CDK14: variants seen among roughly 807,000 people sequenced by gnomAD.
The protein encoded by CDK14 is cyclin dependent kinase 14.
In CDK14, 34 loss-of-function variants were observed where a neutral mutation model predicts 60.7. The ratio of observed to expected loss-of-function variants is 0.56; its 90% CI spans 0.43 to 0.75. CDK14 has a LOEUF of 0.75. CDK14 is among the 30% of genes least tolerant of loss of function. The pLI is 0.00. For missense variants in CDK14, 482 were observed against 564.1 expected, an observed-to-expected ratio of 0.85 and a Z score of 1.47; for synonymous variants, 197 against 203.7, an observed-to-expected ratio of 0.97 and a Z score of 0.28.
chr7:91,015,192 T>C (rs1245894551), intron 10 of CDK14, among the ~76,000 whole-genome samples: 1 of 152,212 alleles, frequency 6.6e-6, no homozygotes, highest in Non-Finnish European at 1.5e-5. Flanking sequence ...ATTGTTCCTC[T>C]TTAACAAATC....
intron 4 of CDK14, among the ~76,000 whole-genome samples, chr7:90,789,687 A>G (rs1018362915): frequency 2.6e-5 from 4 of 152,138 alleles, no homozygotes; most frequent in African/African-American, 9.7e-5. Context: ...CAGACTTGGT[A>G]TCAAAGGGGA....
At chr7:90,913,315 G>C (rs1160063129) in intron 7 of CDK14, among the ~76,000 whole-genome samples, 1 of 152,176 alleles carries the variant, frequency 6.6e-6, no homozygotes, top group East Asian at 1.9e-4. Context: ...TGCTTCCTTA[G>C]AGCCTTCCCA....
intron 2 of CDK14, among the ~76,000 whole-genome samples, chr7:90,696,724 G>A (rs1299423431): frequency 6.6e-6 from 1 of 152,186 alleles, no homozygotes; most frequent in African/African-American, 2.4e-5. Context: ...TTAAGGAAGA[G>A]GTTAGGATAG....
chr7:90,939,918 C>G (rs1490801188), intron 8 of CDK14, among the ~76,000 whole-genome samples: 1 of 152,108 alleles, frequency 6.6e-6, no homozygotes, highest in Non-Finnish European at 1.5e-5. Context: ...TCCTGCCAGC[C>G]ACCAGTTTTC....
intron 8 of CDK14, among the ~76,000 whole-genome samples, chr7:90,935,769 C>T (rs1352602924): frequency 1.3e-5 from 2 of 152,140 alleles, no homozygotes; most frequent in Non-Finnish European, 2.9e-5. Context: ...AGAACATAGG[C>T]TGGCCGTGGT....
At chr7:90,715,998 G>A (rs576389274) in intron 2 of CDK14, among the ~76,000 whole-genome samples, 32 of 151,998 alleles carry the variant, frequency 2.1e-4, no homozygotes, top group African/African-American at 6.0e-4. Context: ...CCATTTGGTC[G>A]TATGATATGA....
chr7:91,098,802 G>A (rs1799081303), intron 12 of CDK14, among the ~76,000 whole-genome samples: 1 of 152,112 alleles, frequency 6.6e-6, no homozygotes, highest in African/African-American at 2.4e-5. Flanking sequence ...GTGACAGCAA[G>A]GCATTCTTCC....
chr7:90,596,758 C>T, intron 1 of CDK14, 40 bp downstream of exon 1: 2 of 1,529,362 alleles, frequency 1.3e-6, no homozygotes, highest in South Asian at 1.1e-5. Context: ...AGCGCCCGCT[C>T]CCCTCGGCCT....
intron 14 of CDK14, among the ~76,000 whole-genome samples, chr7:91,156,873 T>G (rs886782518): frequency 6.6e-6 from 1 of 152,178 alleles, no homozygotes; most frequent in African/African-American, 2.4e-5. Flanking sequence ...CAAATAGCAC[T>G]TAAGGAAATG....
At chr7:91,075,208 A>G (rs184605294) in intron 11 of CDK14, among the ~76,000 whole-genome samples, 6 of 152,378 alleles carry the variant, frequency 3.9e-5, no homozygotes, top group East Asian at 1.9e-4. Flanking sequence ...CTTCAGGCCA[A>G]TATCCTTGAT....
intron 2 of CDK14, among the ~76,000 whole-genome samples, chr7:90,715,492 G>T (rs145877197): frequency 2.6e-5 from 4 of 151,916 alleles, no homozygotes; most frequent in Non-Finnish European, 5.9e-5. Context: ...AGTCCCCTTC[G>T]CCAGCTTAGT....
intron 6 of CDK14, among the ~76,000 whole-genome samples, chr7:90,898,689 A>G (rs973221426): frequency 6.6e-6 from 1 of 152,100 alleles, no homozygotes; most frequent in Non-Finnish European, 1.5e-5. Flanking sequence ...ACAGCATGAG[A>G]TGTTGAATAT....
chr7:91,171,896 C>T (rs1392457751), intron 14 of CDK14, among the ~76,000 whole-genome samples: 1 of 152,188 alleles, frequency 6.6e-6, no homozygotes, highest in African/African-American at 2.4e-5. Context: ...ATCCACCCAC[C>T]TCGACCTCTC....
At chr7:90,746,550 GAT>G (rs1487559640) in intron 3 of CDK14, among the ~76,000 whole-genome samples, 1 of 152,020 alleles carries the variant, frequency 6.6e-6, no homozygotes, top group Non-Finnish European at 1.5e-5. Flanking sequence ...TCTTTAATAA[GAT>G]ATTTTTCATT....
At chr7:90,663,213 ACACTT>A (rs909181243) in intron 2 of CDK14, among the ~76,000 whole-genome samples, 7 of 152,114 alleles carry the variant, frequency 4.6e-5, no homozygotes, top group East Asian at 3.9e-4. Flanking sequence ...ATAAAAAATT[ACACTT>A]CACTTCATGT....
At chr7:90,998,843 C>G (rs1047477519) in intron 10 of CDK14, among the ~76,000 whole-genome samples, 2 of 152,050 alleles carry the variant, frequency 1.3e-5, no homozygotes, top group African/African-American at 4.8e-5. Flanking sequence ...GAGCGGAGAT[C>G]GCGCCACTGC....
chr7:90,799,989 T>C (rs1390665488), intron 5 of CDK14, among the ~76,000 whole-genome samples: 3 of 152,036 alleles, frequency 2.0e-5, no homozygotes, highest in African/African-American at 7.2e-5. Flanking sequence ...AAGGAACAAA[T>C]AGATTCAACA....
At chr7:91,134,886 T>A (rs200507469) in intron 14 of CDK14, among the ~76,000 whole-genome samples, 17 of 151,010 alleles carry the variant, frequency 1.1e-4, no homozygotes, top group South Asian at 2.1e-4. Flanking sequence ...CAAAAAAAAA[T>A]AATAATAATT....
chr7:90,798,723 A>G (rs1788528679), intron 5 of CDK14, among the ~76,000 whole-genome samples: 1 of 152,232 alleles, frequency 6.6e-6, no homozygotes, highest in Admixed American at 6.5e-5. Flanking sequence ...AATCTAACCT[A>G]GATTTATGTC....
Sources: allele counts gnomAD v4.1 joint callset (sites outside exome capture counted in the v4.1 genomes callset), GRCh38; gene constraint gnomAD v4.1.1; transcripts MANE v1.5; gene names NCBI Gene and HGNC (gene_info 2026-07-23, HGNC 2026-07-21).